Variants in XRCC5 observed in about 807,000 individuals in gnomAD.
XRCC5 encodes the protein DNA repair protein Ku80.
In XRCC5, 12 loss-of-function variants were observed where a neutral mutation model predicts 95.7. The ratio of observed to expected loss-of-function variants is 0.13; its 90% CI spans 0.08 to 0.20. XRCC5 has a LOEUF of 0.20. XRCC5 is among the 10% of genes least tolerant of loss of function. XRCC5 has a pLI of 1.00. For synonymous variants in XRCC5, 281 were observed against 290.3 expected (o/e 0.97, Z 0.33); for missense variants, 595 against 873.9 (o/e 0.68, Z 4.02).
chr2:216,116,052 ACG>A (rs1317373770), intron 2 of XRCC5, among the ~76,000 whole-genome samples: 9 of 152,226 alleles, frequency 5.9e-5, no homozygotes, highest in African/African-American at 1.9e-4. Context: ...TCATGTTGAT[ACG>A]TGTTGCACAA....
rs1038685455 is a variant in XRCC5, at chr2:216,148,028, A to G, written c.1477-55A>G. ...TGGAGGATCCCTGATCAGAAAATATAAAGAAGCCATATATGTCTCCATCTG... is the reference window on the plus strand; with the variant it reads ...TGGAGGATCCCTGATCAGAAAATATGAAGAAGCCATATATGTCTCCATCTG... On this transcript the variant is annotated intron_variant, in intron 13 of 20. Coordinates refer to ENST00000392132, the MANE Select transcript of XRCC5 (RefSeq NM_021141.4). The G allele has an allele frequency of 3.1e-5, 48 of 1,544,822 alleles. No individual in the cohort carries two copies. In the African/African-American group the frequency reaches 5.6e-4, roughly 18 times the overall value.
intron 13 of XRCC5, among the ~76,000 whole-genome samples, chr2:216,146,266 G>A (rs1688632479): frequency 6.6e-6 from 1 of 152,214 alleles, no homozygotes; most frequent in African/African-American, 2.4e-5. Flanking sequence ...GAGGAAATTG[G>A]TACTTAATTC....
Position 216,190,261 on chromosome 2 carries a change from T to C in XRCC5, c.1871T>C (p.Leu624Ser). 6.2e-7 allele frequency: 1 copy of C among 1,614,050 alleles called. No homozygotes were observed. The highest frequency in any genetic ancestry group is 8.5e-7 in the Non-Finnish European group (1 of 1,179,952). ...NQLINHIEQF[L>S]DTNETPYFMK... is the part of the protein sequence containing the mutation. ...CTCATAAATCACATCGAACAGTTTT[T>C]GGATACTAATGAAACACCGTATTTT... The change falls in exon 17 of 21, where the codon TTG becomes TCG. Residue 624 changes from leucine (L) to serine (S), a missense_variant. Leu to Ser is a moderately radical substitution (Grantham distance 145, BLOSUM62 -2). Coordinates refer to ENST00000392132, the MANE Select transcript of XRCC5 (RefSeq NM_021141.4).
intron 16 of XRCC5, among the ~76,000 whole-genome samples, chr2:216,188,941 C>T (rs7607617): frequency 0.029 from 4,352 of 152,160 alleles, 206 homozygotes; most frequent in African/African-American, 0.099. Context: ...TCATAATCTC[C>T]GAGTTGGTAG....
At chr2:216,165,045 T>G (rs142930222) in intron 16 of XRCC5, among the ~76,000 whole-genome samples, 126 of 152,302 alleles carry the variant, frequency 8.3e-4, no homozygotes, top group African/African-American at 2.9e-3. Context: ...ACAATTAGTA[T>G]TATTATCTCC....
At chr2:216,171,718 A>G (rs207928) in intron 16 of XRCC5, among the ~76,000 whole-genome samples, 94,323 of 152,026 alleles carry the variant, frequency 0.62, 30,388 homozygotes, top group African/African-American at 0.79. Context: ...GAATCCAATA[A>G]TGTTTTCTTG....
rs145305677 is a variant in XRCC5, at chr2:216,118,135, C to T, written c.368+341C>T. 4.2e-3 allele frequency among the ~76,000 whole-genome samples: 644 copies of T among 151,660 alleles called. 3 individuals are homozygous for T. The highest frequency in any genetic ancestry group is 0.015 in the African/African-American group (623 of 41,402). On this transcript the variant is annotated intron_variant, in intron 4 of 20. Coordinates refer to ENST00000392132, the MANE Select transcript of XRCC5 (RefSeq NM_021141.4). ...GATATTAAGTGCATGGTAACTCTGG[C>T]CAACTTCCCTTTTTTGTTGTGTGTG...
chr2:216,159,884 G>T (rs1354368678), intron 14 of XRCC5, among the ~76,000 whole-genome samples, 184 bp from the exon 15 acceptor site: 1 of 152,092 alleles, frequency 6.6e-6, no homozygotes, highest in Non-Finnish European at 1.5e-5. Flanking sequence ...AGGAAAGGGA[G>T]GCAGCTTGTT....
chr2:216,161,051 C>A (rs927659724), intron 15 of XRCC5, among the ~76,000 whole-genome samples: 1 of 152,116 alleles, frequency 6.6e-6, no homozygotes, highest in South Asian at 2.1e-4. Flanking sequence ...AAAAATTGGC[C>A]GATAACTTTT....
In XRCC5 at chr2:216,117,791, C is replaced by T. The variant is rs1696727426; in HGVS notation, c.365C>T (p.Thr122Ile). The T allele has an allele frequency of 2.5e-6, 4 of 1,614,016 alleles. No homozygotes were observed. The highest frequency in any genetic ancestry group is 3.4e-6 in the Non-Finnish European group (4 of 1,179,944). ...IVSMDVIQHE[T>I]IGKKFEKRHI... ...AGCATGGATGTGATTCAACATGAAA[C>T]AATGTAAGTGTTCCAAGGAAGAGAG... The change falls in exon 4 of 21, where the codon ACA becomes ATA. Residue 122 changes from threonine to isoleucine, a missense_variant. Thr to Ile is a moderately conservative substitution (Grantham distance 89). Transcript: ENST00000392132.
chr2:216,139,539 CAT>C (rs1413748611), intron 12 of XRCC5, among the ~76,000 whole-genome samples: 4 of 152,178 alleles, frequency 2.6e-5, no homozygotes, highest in Non-Finnish European at 2.9e-5. Context: ...TCTCCCACAA[CAT>C]GTGGGAATTC....
At chr2:216,195,872 T>A (rs2106050688) in intron 19 of XRCC5, among the ~76,000 whole-genome samples, 1 of 152,334 alleles carries the variant, frequency 6.6e-6, no homozygotes, top group African/African-American at 2.4e-5. Context: ...AGCTCTCAGT[T>A]ACTAAGCTTC....
intron 6 of XRCC5, among the ~76,000 whole-genome samples, chr2:216,122,649 T>C (rs1384193016): frequency 6.6e-6 from 1 of 151,774 alleles, no homozygotes; most frequent in Non-Finnish European, 1.5e-5. Context: ...AGATCTGAGA[T>C]AGTCAGTATC....
intron 19 of XRCC5, among the ~76,000 whole-genome samples, chr2:216,199,870 T>A (rs72954666): frequency 0.035 from 5,114 of 144,568 alleles, 118 homozygotes; most frequent in Middle Eastern, 0.11. Flanking sequence ...ATCTAAATAA[T>A]CATTTGATGT....
chr2:216,152,447 A>G lies in XRCC5; in HGVS notation c.1670+4171A>G, dbSNP rs1010993534. On this transcript the variant is annotated intron_variant, in intron 14 of 20. Coordinates refer to ENST00000392132, the MANE Select transcript of XRCC5 (RefSeq NM_021141.4). ...CAGAGTGAGACTGTCTTAAAAAAAA[A>G]AGAGAGAAAAAAATTTGGGTGGGAA... is the stretch of plus-strand genomic sequence containing the variant. 1.3e-4 allele frequency among the ~76,000 whole-genome samples: 19 copies of G among 150,962 alleles called. 1 individual carries two copies. The highest frequency in any genetic ancestry group is 3.9e-4 in the Admixed American group (6 of 15,214).
intron 14 of XRCC5, chr2:216,156,724 T>C (rs1688849946): frequency 3.7e-6 from 2 of 537,390 alleles, no homozygotes; most frequent in South Asian, 2.8e-5. Context: ...GCACAAGATT[T>C]ATTCCTCAAA....
intron 19 of XRCC5, among the ~76,000 whole-genome samples, chr2:216,198,128 T>C (rs968722438): frequency 6.6e-6 from 1 of 152,354 alleles, no homozygotes; most frequent in South Asian, 2.1e-4. Context: ...GGGGTTACAC[T>C]TTGAGCTCAC....
intron 13 of XRCC5, among the ~76,000 whole-genome samples, chr2:216,141,558 TTTTTTTTTC>T (rs1290987797): frequency 6.6e-4 from 37 of 56,452 alleles, no homozygotes; most frequent in South Asian, 5.0e-3. Flanking sequence ...TTTTTTTTTT[TTTTTTTTTC>T]CTGGAAGAAG....
chr2:216,185,390 A>G (rs1034144203), intron 16 of XRCC5, among the ~76,000 whole-genome samples: 2 of 152,224 alleles, frequency 1.3e-5, no homozygotes, highest in African/African-American at 4.8e-5. Flanking sequence ...TACGTTTCTT[A>G]AATTGCCTCT....
Sources: allele counts gnomAD v4.1 joint callset (sites outside exome capture counted in the v4.1 genomes callset), GRCh38; gene constraint gnomAD v4.1.1; transcripts MANE v1.5; gene names NCBI Gene and HGNC (gene_info 2026-07-23, HGNC 2026-07-21).